Variants in ANO1 observed in about 807,000 individuals in gnomAD.
ANO1 encodes the protein anoctamin 1, also known as anoctamin-1.
A neutral mutation model predicts 124.0 loss-of-function variants in ANO1; 59 were observed. That is an observed-to-expected ratio of 0.48 (90% CI 0.39 to 0.59). ANO1 has a LOEUF of 0.59. ANO1 is among the 20% of genes least tolerant of loss of function. The pLI is 0.00. For synonymous variants in ANO1, 529 were observed against 532.0 expected (o/e 0.99, Z 0.08); for missense variants, 1,059 against 1,328.0 (o/e 0.80, Z 3.15).
chr11:70,083,746 T>C (rs1042495926), intron 1 of ANO1, among the ~76,000 whole-genome samples: 1 of 152,202 alleles, frequency 6.6e-6, no homozygotes, highest in Non-Finnish European at 1.5e-5. Context: ...AGGTTCTCAG[T>C]CCCTGTGTAC....
At chr11:70,044,369 TTA>T (rs1555005352) in intron 1 of ANO1, among the ~76,000 whole-genome samples, 1 of 152,098 alleles carries the variant, frequency 6.6e-6, no homozygotes, top group African/African-American at 2.4e-5. Context: ...AAGGCAGAGA[TTA>T]TAGTTTGAAT....
chr11:70,101,825 G>A (rs905456132), intron 2 of ANO1, among the ~76,000 whole-genome samples: 12 of 152,096 alleles, frequency 7.9e-5, no homozygotes, highest in Admixed American at 5.2e-4. Flanking sequence ...TTCCTTTAAG[G>A]CTCAGAATTG....
chr11:70,160,999 A>G (rs2048019377), intron 16 of ANO1, among the ~76,000 whole-genome samples, 162 bp from the exon 17 acceptor site: 1 of 152,218 alleles, frequency 6.6e-6, no homozygotes, highest in Admixed American at 6.5e-5. Context: ...TAATGCACAG[A>G]AAGCCCCTGG....
chr11:69,982,953 C>T (rs1278503298), upstream of ANO1, among the ~76,000 whole-genome samples: 1 of 152,102 alleles, frequency 6.6e-6, no homozygotes, highest in African/African-American at 2.4e-5. Flanking sequence ...GCAGGGTGTA[C>T]GTGACAATCT....
In ANO1 at chr11:70,070,944, C is replaced by T. The variant is rs78170504; in HGVS notation, c.59-7598C>T. Among the ~76,000 whole-genome samples, 1,044 of 152,268 alleles carry T rather than the reference C, an allele frequency of 6.9e-3. 14 individuals carry two copies. Among genetic ancestry groups the T allele is most frequent in the African/African-American group, 0.024 (1,001 of 41,548 alleles). ...TTAGTCCCCTGCTCCCCAGCGCTGC[C>T]AGCCCCTGCCTCAGATCTCTTACCC... On this transcript the variant is annotated intron_variant, in intron 1 of 27. Coordinates refer to the ANO1 transcript ENST00000531349.
chr11:70,145,943 C>CAAAAAAAAAAAAAAAA (rs10589426), intron 11 of ANO1, among the ~76,000 whole-genome samples: 2 of 108,702 alleles, frequency 1.8e-5, no homozygotes, highest in Non-Finnish European at 3.6e-5. Flanking sequence ...TCTCAAAAAA[C>CAAAAAAAAAAAAAAAA]AAAAAAAAAA....
chr11:70,152,386 T>A, intron 12 of ANO1, 64 bp from the exon 13 acceptor site: 1 of 1,457,746 alleles, frequency 6.9e-7, no homozygotes, highest in Non-Finnish European at 9.5e-7. Flanking sequence ...GTCCTATTTC[T>A]AAAATAACAA....
At position 70,052,315 on chromosome 11, in the gene ANO1, CG is replaced by C. The variant is rs1857360290; in HGVS notation, c.59-26226del. ...CCACACTGTTATAACTATTGTTGGT[CG>C]ATATGAATATCAGATAATATATGTC... On this transcript the variant is annotated intron_variant, in intron 1 of 27. Transcript: ENST00000531349. Among the ~76,000 whole-genome samples, 3 of 152,110 alleles carry C rather than the reference CG, an allele frequency of 2.0e-5. No homozygotes were observed. The South Asian group carries it at 6.2e-4, about 32-fold the overall frequency.
chr11:70,122,855 G>T (rs1590795620), intron 8 of ANO1, among the ~76,000 whole-genome samples: 1 of 152,160 alleles, frequency 6.6e-6, no homozygotes, highest in East Asian at 1.9e-4. Flanking sequence ...TTGACTCTAG[G>T]TGAGAGGAGG....
intron 20 of ANO1, among the ~76,000 whole-genome samples, chr11:70,166,871 C>A (rs779922050): frequency 2.6e-5 from 4 of 152,192 alleles, no homozygotes; most frequent in Non-Finnish European, 5.9e-5. Flanking sequence ...GGAGGCCAGG[C>A]GCGGTGGCTC....
upstream of ANO1, among the ~76,000 whole-genome samples, chr11:70,073,727 G>A (rs1555009647): frequency 6.6e-6 from 1 of 152,104 alleles, no homozygotes; most frequent in Admixed American, 6.5e-5. Flanking sequence ...AAAGCTCTTG[G>A]GATTCTCAGA....
chr11:70,033,985 C>T (rs1312892468), intron 1 of ANO1, among the ~76,000 whole-genome samples: 3 of 151,968 alleles, frequency 2.0e-5, no homozygotes, highest in African/African-American at 7.2e-5. Flanking sequence ...AGTTTGCCAA[C>T]CCCTGCTCCG....
chr11:70,011,560 C>A (rs941526593), intron 1 of ANO1, among the ~76,000 whole-genome samples: 1 of 152,184 alleles, frequency 6.6e-6, no homozygotes, highest in Non-Finnish European at 1.5e-5. Context: ...CACAACCCCC[C>A]ACCTCTACAA....
At chr11:70,174,140 A>G (rs111397524) in intron 22 of ANO1, among the ~76,000 whole-genome samples, 18,602 of 150,788 alleles carry the variant, frequency 0.12, 1,220 homozygotes, top group Middle Eastern at 0.16. Flanking sequence ...GGGTTTCACC[A>G]TGTTAGCCAG....
At chr11:70,125,929 ACT>A (rs1299249469) in intron 9 of ANO1, 130 bp from the exon 10 acceptor site, 1 of 1,151,824 alleles carries the variant, frequency 8.7e-7, no homozygotes, top group Non-Finnish European at 1.2e-6. Context: ...CCAGGACCCC[ACT>A]CTCTGCTTCT....
At chr11:70,077,929 G>A (rs2044083998), upstream of ANO1, among the ~76,000 whole-genome samples, 2 of 152,240 alleles carry the variant, frequency 1.3e-5, no homozygotes, top group South Asian at 4.1e-4. Context: ...GCAGGAACCA[G>A]GCAAGCTCCC....
chr11:70,166,186 C>T (rs527305488), intron 20 of ANO1, among the ~76,000 whole-genome samples: 36 of 148,740 alleles, frequency 2.4e-4, no homozygotes, highest in East Asian at 8.1e-4. Flanking sequence ...GGCGTGGTGG[C>T]GGGCGCCTGT....
intron 3 of ANO1, 97 bp from the exon 4 acceptor site, chr11:70,103,902 A>T (rs2045381072): frequency 1.5e-6 from 2 of 1,363,104 alleles, no homozygotes; most frequent in African/African-American, 1.5e-5. Flanking sequence ...GCCCCGTTGC[A>T]TGGGGTGGGA....
chr11:70,179,177 T>C (rs1381002632), intron 22 of ANO1, among the ~76,000 whole-genome samples: 1 of 152,216 alleles, frequency 6.6e-6, no homozygotes, highest in East Asian at 1.9e-4. Flanking sequence ...GTGCTGGTTA[T>C]CACCCATCTC....
Sources: gnomAD v4.1 joint callset for allele counts (sites outside exome capture counted in the v4.1 genomes callset) on GRCh38, gnomAD v4.1.1 for gene constraint, MANE v1.5 for transcripts, NCBI Gene and HGNC (gene_info 2026-07-23, HGNC 2026-07-21) for gene names.